Variants in NDRG4 observed in about 807,000 individuals in gnomAD.
NDRG4 encodes NDRG family member 4.
NDRG4 carries 38 observed loss-of-function variants against 55.8 expected under a neutral mutation model. That is an observed-to-expected ratio of 0.68 (90% confidence interval 0.53 to 0.89). The LOEUF (loss-of-function observed/expected upper bound fraction) is 0.89, where lower values mean the gene tolerates loss of function less well. Among genes scored for constraint, NDRG4 ranks in the 40% least tolerant of loss-of-function variants. The pLI is 0.00. For missense variants in NDRG4, 455 were observed against 468.6 expected, an observed-to-expected ratio of 0.97 and a Z score of 0.27; for synonymous variants, 190 against 182.7, an observed-to-expected ratio of 1.04 and a Z score of -0.32.
chr16:58,481,681 A>C (rs1361411732), intron 1 of NDRG4, among the ~76,000 whole-genome samples: 3 of 152,066 alleles, frequency 2.0e-5, no homozygotes, highest in Non-Finnish European at 4.4e-5. Context: ...GGGTGGAAGC[A>C]TGCACTCTGG....
chr16:58,510,725 T>G (rs1280787442), intron 14 of NDRG4, 42 bp downstream of exon 14: 16 of 1,522,668 alleles, frequency 1.1e-5, no homozygotes, highest in Non-Finnish European at 1.3e-5. Context: ...ACGCCCAGCC[T>G]CCTCCTCCCC....
chr16:58,476,560 A>G (rs2033657748), intron 1 of NDRG4, among the ~76,000 whole-genome samples: 1 of 152,138 alleles, frequency 6.6e-6, no homozygotes, highest in Admixed American at 6.5e-5. Flanking sequence ...ATTGGGATGC[A>G]TCATACAGTC....
chr16:58,507,128 C>A, intron 8 of NDRG4, 113 bp downstream of exon 8: 1 of 800,390 alleles, frequency 1.2e-6, no homozygotes, highest in Non-Finnish European at 2.1e-6. Context: ...TGTAGATGGG[C>A]ACGATATTGG....
intron 2 of NDRG4, 70 bp from the exon 3 acceptor site, chr16:58,504,084 C>A: frequency 6.2e-7 from 1 of 1,604,334 alleles, no homozygotes; most frequent in South Asian, 1.1e-5. Context: ...TGCCTGCCCT[C>A]TGGGGGCCCG....
At chr16:58,465,829 G>A (rs1220024693) in intron 1 of NDRG4, among the ~76,000 whole-genome samples, 1 of 152,190 alleles carries the variant, frequency 6.6e-6, no homozygotes, top group Non-Finnish European at 1.5e-5. Flanking sequence ...AACTGACTGG[G>A]TGCTCAGAAG....
intron 14 of NDRG4, chr16:58,511,185 C>G (rs1378491730): frequency 1.8e-6 from 1 of 557,480 alleles, no homozygotes; most frequent in Admixed American, 3.2e-5. Context: ...CAGCACCTCC[C>G]TGCACCAGCT....
At chr16:58,477,172 ATATATG>A (rs1396591372) in intron 1 of NDRG4, among the ~76,000 whole-genome samples, 1 of 151,470 alleles carries the variant, frequency 6.6e-6, no homozygotes, top group Non-Finnish European at 1.5e-5. Flanking sequence ...ATATATATAT[ATATATG>A]TATGTGTGTG....
chr16:58,504,075 G>T, intron 2 of NDRG4, 79 bp from the exon 3 acceptor site: 1 of 1,600,614 alleles, frequency 6.2e-7, no homozygotes, highest in Admixed American at 1.7e-5. Context: ...CTTCTGCCTT[G>T]CCTGCCCTCT....
chr16:58,504,300 T>C (rs374536787), intron 3 of NDRG4, 26 bp downstream of exon 3: 77 of 1,613,898 alleles, frequency 4.8e-5, no homozygotes, highest in Non-Finnish European at 5.8e-5. Flanking sequence ...CCCCTCTGCC[T>C]GTCTCCAGCT....
intron 1 of NDRG4, among the ~76,000 whole-genome samples, chr16:58,466,646 G>C (rs969469502): frequency 1.3e-5 from 2 of 152,210 alleles, no homozygotes; most frequent in African/African-American, 2.4e-5. Flanking sequence ...GGCCCTGGGA[G>C]ACAACCCATC....
chr16:58,506,133 C>CGTGTGTGTGTGTGTGTGTGTGT lies in NDRG4; in HGVS notation c.373-251_373-230dup, dbSNP rs113481456. The CGTGTGTGTGTGTGTGTGTGTGT allele has an allele frequency of 3.4e-3, 1,816 of 540,150 alleles. 27 individuals are homozygous for CGTGTGTGTGTGTGTGTGTGTGT. Among genetic ancestry groups the CGTGTGTGTGTGTGTGTGTGTGT allele is most frequent in the African/African-American group, 4.3e-3 (194 of 45,006 alleles). 33.5% of individuals were successfully genotyped at this position (540,150 alleles called of 1,614,324 possible). A position where few individuals can be genotyped will look rare whatever the true frequency, so the allele number is the denominator to read the frequency against. ...TTAAGAGCTGATTCTGTTGAAAGAGCGTGTGTGTGTGTGTGTGTGTGTGTC... is the reference window on the plus strand; with the variant it reads ...TTAAGAGCTGATTCTGTTGAAAGAGCGTGTGTGTGTGTGTGTGTGTGTGTGTGTGTGTGTGTGTGTGTGTGTC... On this transcript the variant is annotated intron_variant, in intron 5 of 14. Transcript: ENST00000570248.
rs2038408515 is a variant in NDRG4, at chr16:58,508,944, C to T, written c.730-18C>T. On this transcript the variant is annotated intron_variant, in intron 10 of 14. Transcript: ENST00000570248. ...GGAGGGGCAGGGGCTGTTGCTGAAG[C>T]TGGCTCCTTGTCCTCAGGTGGAGTG... is the stretch of plus-strand genomic sequence containing the variant. The T allele has an allele frequency of 1.9e-6, 3 of 1,612,914 alleles. No homozygotes were observed. The highest frequency in any genetic ancestry group is 2.5e-6 in the Non-Finnish European group (3 of 1,179,684).
At chr16:58,502,430 G>A (rs936203023) in intron 1 of NDRG4, among the ~76,000 whole-genome samples, 2 of 152,132 alleles carry the variant, frequency 1.3e-5, no homozygotes, top group Admixed American at 1.3e-4. Context: ...AAATAAAAAG[G>A]GCCTGCAAGT....
rs374853171 is a variant in NDRG4 at position 58,509,229 on chromosome 16, G to A, written c.813+40G>A. ...CCTCCTGCCCTTACATCTATGGGGA[G>A]GGGGAAGCCTCTACCCTACCTGCTA... On this transcript the variant is annotated intron_variant, in intron 12 of 14. Coordinates refer to ENST00000570248, the MANE Select transcript of NDRG4 (RefSeq NM_001242835.2). The A allele has an allele frequency of 9.9e-6, 16 of 1,613,854 alleles. No homozygotes were observed. In the African/African-American group the frequency reaches 2.1e-4, roughly 22 times the overall value.
intron 1 of NDRG4, among the ~76,000 whole-genome samples, chr16:58,483,367 T>A (rs954766664): frequency 6.8e-6 from 1 of 147,368 alleles, no homozygotes; most frequent in Non-Finnish European, 1.5e-5. Flanking sequence ...TGTTTGCCTT[T>A]AAAAAAAAAA....
intron 1 of NDRG4, among the ~76,000 whole-genome samples, chr16:58,479,662 G>A (rs777348931): frequency 2.0e-5 from 3 of 151,930 alleles, no homozygotes; most frequent in Non-Finnish European, 4.4e-5. Flanking sequence ...TGATTCATTC[G>A]TTCATTTACT....
intron 1 of NDRG4, among the ~76,000 whole-genome samples, chr16:58,473,962 C>T (rs1328439567): frequency 6.6e-6 from 1 of 151,582 alleles, no homozygotes; most frequent in African/African-American, 2.4e-5. Flanking sequence ...CCCCTGTCCT[C>T]ATCTCCTCCC....
intron 14 of NDRG4, 39 bp downstream of exon 14, chr16:58,510,722 G>GCCT (rs1339857993): frequency 6.5e-7 from 1 of 1,527,098 alleles, no homozygotes. Flanking sequence ...TGGACGCCCA[G>GCCT]CCTCCTCCTC....
At chr16:58,500,342 A>C in intron 1 of NDRG4, 73 bp downstream of exon 1, 1 of 1,511,676 alleles carries the variant, frequency 6.6e-7, no homozygotes, top group Non-Finnish European at 8.8e-7. Context: ...CGCAGGGAGG[A>C]AGTGCCCCCC....
Sources: gnomAD v4.1 joint callset for allele counts (sites outside exome capture counted in the v4.1 genomes callset) on GRCh38, gnomAD v4.1.1 for gene constraint, MANE v1.5 for transcripts, NCBI Gene and HGNC (gene_info 2026-07-23, HGNC 2026-07-21) for gene names.